The following COX10 variants were observed in gnomAD, a reference collection of about 807,000 sequenced individuals.
COX10 encodes cytochrome c oxidase assembly factor heme A:farnesyltransferase COX10.
A neutral mutation model predicts 37.3 loss-of-function variants in COX10; 27 were observed. The observed-to-expected ratio is 0.72, with a 90% CI of 0.53 to 1.00. COX10 has a LOEUF of 1.00. Ranked by LOEUF, COX10 falls within the 50% of genes least tolerant of loss-of-function variation. The pLI is 0.00. For synonymous variants in COX10, 222 were observed against 229.1 expected (o/e 0.97, Z 0.28); for missense variants, 475 against 563.2 (o/e 0.84, Z 1.59).
chr17:14,189,170 A>G (rs912149013), intron 5 of COX10, among the ~76,000 whole-genome samples: 1 of 149,650 alleles, frequency 6.7e-6, no homozygotes, highest in African/African-American at 2.5e-5. Context: ...TCTGCAGCCA[A>G]TCTGAGTACA....
At chr17:14,105,092 A>G (rs569467358) in intron 4 of COX10, among the ~76,000 whole-genome samples, 5 of 152,314 alleles carry the variant, frequency 3.3e-5, no homozygotes, top group African/African-American at 1.2e-4. Context: ...GAATTATCAA[A>G]AAACTATAAC....
In COX10 at chr17:14,159,833, G is replaced by A. The variant is rs770099528; in HGVS notation, c.625-44G>A. The A allele has an allele frequency of 3.5e-6, 5 of 1,447,252 alleles. No homozygotes were observed. The African/African-American group carries it at 7.0e-5, about 20-fold the overall frequency. 89.7% of individuals were successfully genotyped at this position (1,447,252 alleles called of 1,614,324 possible). A position where few individuals can be genotyped will look rare whatever the true frequency, so the allele number is the denominator to read the frequency against. ...AGTACTAAAGCGGAAGAAAAGAATT[G>A]TTTTATAGTTAATGTTTTCTGTCTT... On this transcript the variant is annotated intron_variant, in intron 4 of 6. Coordinates refer to ENST00000261643, the MANE Select transcript of COX10 (RefSeq NM_001303.4).
intron 4 of COX10, among the ~76,000 whole-genome samples, chr17:14,103,692 T>C (rs1915834403): frequency 6.6e-6 from 1 of 152,104 alleles, no homozygotes; most frequent in African/African-American, 2.4e-5. Flanking sequence ...AGCTCAAGAA[T>C]TTATCATGAA....
chr17:14,175,096 G>GGC (rs1905631266), intron 5 of COX10, among the ~76,000 whole-genome samples: 1 of 68,694 alleles, frequency 1.5e-5, no homozygotes, highest in African/African-American at 5.4e-5. Flanking sequence ...GGGGGGGGGG[G>GGC]GTGGATAGGA....
chr17:14,074,171 A>G (rs1205952055), intron 1 of COX10, 152 bp from the exon 2 acceptor site: 10 of 805,708 alleles, frequency 1.2e-5, no homozygotes, highest in Non-Finnish European at 2.0e-5. Flanking sequence ...GCATTTATTC[A>G]CAAATCTGGA....
At chr17:14,195,511 G>A (rs1409685774) in intron 6 of COX10, among the ~76,000 whole-genome samples, 1 of 152,194 alleles carries the variant, frequency 6.6e-6, no homozygotes, top group Non-Finnish European at 1.5e-5. Context: ...CAACAGCACA[G>A]ATGTAAAACA....
intron 4 of COX10, among the ~76,000 whole-genome samples, chr17:14,112,287 A>G (rs143443428): frequency 6.4e-4 from 97 of 152,262 alleles, no homozygotes; most frequent in African/African-American, 2.3e-3. Flanking sequence ...TGTTTATTCT[A>G]CTTAGTTCAA....
rs1463933654 is a variant in COX10, at chr17:14,207,463, C to T, written c.*250C>T. 2 of 511,228 alleles carry T rather than the reference C, an allele frequency of 3.9e-6. No homozygotes were observed. Among genetic ancestry groups the T allele is most frequent in the East Asian group, 6.8e-5 (2 of 29,324 alleles). 31.7% of individuals were successfully genotyped at this position (511,228 alleles called of 1,614,324 possible). On this transcript the variant is annotated 3_prime_UTR_variant, in exon 7 of 7. Coordinates refer to ENST00000261643, the MANE Select transcript of COX10 (RefSeq NM_001303.4). ...TTTCCCTTTGAGGGTCTTTATACAT[C>T]TCTCCTCCAACCCCACCCTCTATTC...
intron 4 of COX10, 125 bp downstream of exon 4, chr17:14,102,367 C>T: frequency 2.9e-6 from 4 of 1,376,160 alleles, no homozygotes; most frequent in South Asian, 1.2e-5. Context: ...CACTATATAT[C>T]CTATAGGAGC....
intron 4 of COX10, among the ~76,000 whole-genome samples, chr17:14,143,215 A>G (rs17616591): frequency 0.13 from 19,772 of 152,186 alleles, 1,647 homozygotes; most frequent in Non-Finnish European, 0.19. Context: ...TATTTCGGGT[A>G]CTGATTTTAT....
chr17:14,199,800 GT>G (rs1489652750), intron 6 of COX10, among the ~76,000 whole-genome samples: 3 of 152,254 alleles, frequency 2.0e-5, no homozygotes, highest in Non-Finnish European at 4.4e-5. Flanking sequence ...AAGCTGATCT[GT>G]TTCACAAGCT....
chr17:14,119,112 G>A (rs1046865862), intron 4 of COX10, among the ~76,000 whole-genome samples: 1 of 151,992 alleles, frequency 6.6e-6, no homozygotes, highest in African/African-American at 2.4e-5. Context: ...AACTAAGTGA[G>A]GTACATTCAG....
chr17:14,153,527 C>G (rs983264942), intron 4 of COX10, among the ~76,000 whole-genome samples: 1 of 152,188 alleles, frequency 6.6e-6, no homozygotes, highest in Non-Finnish European at 1.5e-5. Flanking sequence ...ATCACAGGGT[C>G]ATTGCTGGTA....
intron 3 of COX10, among the ~76,000 whole-genome samples, chr17:14,091,125 T>C (rs1433560530): frequency 1.3e-5 from 2 of 152,216 alleles, no homozygotes; most frequent in African/African-American, 4.8e-5. Flanking sequence ...TATAGTTACT[T>C]GGTCTGCTTT....
Position 14,193,912 on chromosome 17 carries a change from G to T in COX10, c.928+1691G>T, listed in dbSNP as rs558209658. ...GGACTTCCTAGGCTGTGCATGGGGAGTATCCCCCTTCCTCAAGGGTGTAGC... is the reference window on the plus strand; with the variant it reads ...GGACTTCCTAGGCTGTGCATGGGGATTATCCCCCTTCCTCAAGGGTGTAGC... On this transcript the variant is annotated intron_variant, in intron 6 of 6. Coordinates refer to ENST00000261643, the MANE Select transcript of COX10 (RefSeq NM_001303.4). Among the ~76,000 whole-genome samples the T allele has an allele frequency of 5.9e-5, 9 of 151,870 alleles. No individual in the cohort carries two copies. The South Asian group carries it at 1.9e-3, about 32-fold the overall frequency.
chr17:14,094,844 G>T (rs1293805233), intron 3 of COX10, among the ~76,000 whole-genome samples: 1 of 152,214 alleles, frequency 6.6e-6, no homozygotes, highest in East Asian at 1.9e-4. Context: ...TGTGCTCAGT[G>T]CATTTGATAT....
chr17:14,176,338 C>T (rs1470858439), intron 5 of COX10, among the ~76,000 whole-genome samples: 1 of 152,118 alleles, frequency 6.6e-6, no homozygotes, highest in East Asian at 1.9e-4. Flanking sequence ...GTGCAGCTCC[C>T]CTGTTCAGTC....
At chr17:14,130,858 T>A (rs1331943066) in intron 4 of COX10, among the ~76,000 whole-genome samples, 1 of 152,102 alleles carries the variant, frequency 6.6e-6, no homozygotes, top group African/African-American at 2.4e-5. Flanking sequence ...TCATCTCCTG[T>A]AGAGCCCTTT....
intron 4 of COX10, among the ~76,000 whole-genome samples, chr17:14,148,788 G>A (rs1273680894): frequency 6.6e-6 from 1 of 151,914 alleles, no homozygotes; most frequent in African/African-American, 2.4e-5. Flanking sequence ...TTTGTTATCT[G>A]TGTCATTTTG....
Sources: gnomAD v4.1 joint callset for allele counts (sites outside exome capture counted in the v4.1 genomes callset) on GRCh38, gnomAD v4.1.1 for gene constraint, MANE v1.5 for transcripts, NCBI Gene and HGNC (gene_info 2026-07-23, HGNC 2026-07-21) for gene names.